Variants in UGT2B7 observed in about 807,000 individuals in gnomAD.
The protein encoded by UGT2B7 is UDP-glucuronosyltransferase 2B7.
In UGT2B7, 51 loss-of-function variants were observed where a neutral mutation model predicts 51.9. The ratio of observed to expected loss-of-function variants is 0.98; its 90% CI spans 0.78 to 1.24. UGT2B7 has a LOEUF of 1.24. UGT2B7 is among the 50% of genes most tolerant of loss of function. UGT2B7 has a pLI of 0.00. For synonymous variants in UGT2B7, 225 were observed against 211.6 expected, an observed-to-expected ratio of 1.06 and a Z score of -0.55; for missense variants, 727 against 628.4, an observed-to-expected ratio of 1.16 and a Z score of -1.68.
intron 1 of UGT2B7, among the ~76,000 whole-genome samples, chr4:69,078,351 G>A (rs2109872241): frequency 6.6e-6 from 1 of 152,054 alleles, no homozygotes; most frequent in Non-Finnish European, 1.5e-5. Context: ...TTCTATGTTT[G>A]GAATAGTTTC....
At chr4:69,071,098 T>C (rs1005159033) in intron 1 of UGT2B7, among the ~76,000 whole-genome samples, 5 of 152,068 alleles carry the variant, frequency 3.3e-5, no homozygotes, top group African/African-American at 4.8e-5. Context: ...CATTTGTAAT[T>C]GGATGGTAAT....
intron 1 of UGT2B7, among the ~76,000 whole-genome samples, chr4:69,068,862 C>A (rs188574224): frequency 6.6e-6 from 1 of 151,868 alleles, no homozygotes; most frequent in South Asian, 2.1e-4. Context: ...TATTTCAAAA[C>A]TAGAAACAAA....
intron 1 of UGT2B7, among the ~76,000 whole-genome samples, chr4:69,070,262 T>G (rs1020718998): frequency 6.8e-6 from 1 of 147,532 alleles, no homozygotes; most frequent in East Asian, 1.9e-4. Flanking sequence ...ATATTTTATA[T>G]ATTATACTTT....
intron 1 of UGT2B7, among the ~76,000 whole-genome samples, chr4:69,081,222 T>C (rs1323107296): frequency 6.6e-6 from 1 of 152,168 alleles, no homozygotes; most frequent in Non-Finnish European, 1.5e-5. Flanking sequence ...CATATCAGTG[T>C]CTTTGTTGAT....
At chr4:69,093,426 A>T (rs890046134), upstream of UGT2B7, among the ~76,000 whole-genome samples, 1 of 152,216 alleles carries the variant, frequency 6.6e-6, no homozygotes, top group African/African-American at 2.4e-5. Context: ...ATTCCAAGCC[A>T]GTGGATCTTA....
At chr4:69,094,669 C>G (rs6600879), upstream of UGT2B7, among the ~76,000 whole-genome samples, 87,772 of 152,044 alleles carry the variant, frequency 0.58, 26,348 homozygotes, top group African/African-American at 0.71. Flanking sequence ...GCCGCTAGTA[C>G]TTAGCATGGC....
At chr4:69,064,949 G>A (rs1442698066) in intron 1 of UGT2B7, among the ~76,000 whole-genome samples, 1 of 152,142 alleles carries the variant, frequency 6.6e-6, no homozygotes, top group Non-Finnish European at 1.5e-5. Flanking sequence ...TATTATGATA[G>A]TGGTGGCAGG....
chr4:69,067,031 TCAC>T, intron 1 of UGT2B7, among the ~76,000 whole-genome samples: 1 of 152,248 alleles, frequency 6.6e-6, no homozygotes, highest in South Asian at 2.1e-4. Flanking sequence ...CTCAGTGACT[TCAC>T]CATTTCTCTA....
chr4:69,098,823 TAGAAAC>T, intron 2 of UGT2B7, 135 bp downstream of exon 2: 1 of 1,435,272 alleles, frequency 7.0e-7, no homozygotes, highest in Non-Finnish European at 9.4e-7. Context: ...AGATACCAAT[TAGAAAC>T]TCATGTGCAC....
At chr4:69,088,402 G>T (rs1352166076) in intron 1 of UGT2B7, among the ~76,000 whole-genome samples, 3 of 151,588 alleles carry the variant, frequency 2.0e-5, no homozygotes, top group African/African-American at 4.9e-5. Flanking sequence ...TTTAAAATAG[G>T]TGTGCACTGA....
At chr4:69,089,528 G>A (rs1330510638) in exon 2 of UGT2B7, 1 of 152,214 alleles carries the variant, frequency 6.6e-6, no homozygotes, top group Non-Finnish European at 1.5e-5. Context: ...TGTTTTCTCT[G>A]GGGCCAGTTG....
Position 69,074,427 on chromosome 4 carries a change from A to AATATATATATATATATATATAT in UGT2B7, c.-158-15026_-158-15025insTATATATATATATATATATATA, listed in dbSNP as rs143693621. Among the ~76,000 whole-genome samples, 740 of 115,902 alleles carry AATATATATATATATATATATAT rather than the reference A, an allele frequency of 6.4e-3. 14 individuals are homozygous for AATATATATATATATATATATAT. The highest frequency in any genetic ancestry group is 0.021 in the African/African-American group (644 of 30,034). The allele number at this position is 115,902 out of a possible 152,430, so 76.0% of individuals were successfully genotyped here. On this transcript the variant is annotated intron_variant, in intron 1 of 5. Transcript: ENST00000502942. ...GACGATGGAATAACACCTTATCTTA[A>AATATATATATATATATATATAT]ATATATATATATATATATAAATTAA...
chr4:69,060,781 A>G (rs1194051238), intron 1 of UGT2B7, among the ~76,000 whole-genome samples: 1 of 152,194 alleles, frequency 6.6e-6, no homozygotes, highest in African/African-American at 2.4e-5. Flanking sequence ...TATAACTTTG[A>G]TGGACCAAAG....
rs150163076 is a variant in UGT2B7 at position 69,064,831 on chromosome 4, A to T, written c.-159+13229A>T. On this transcript the variant is annotated intron_variant, in intron 1 of 5. Transcript: ENST00000502942. ...TCAATTTATAAACAATATACAGGAC[A>T]GATGATAAAACAGCACAAAGAGTGT... 2.0e-5 allele frequency among the ~76,000 whole-genome samples: 3 copies of T among 152,350 alleles called. No homozygotes were observed. In the East Asian group the frequency reaches 5.8e-4, roughly 29 times the overall value.
chr4:69,084,383 T>G (rs1333808872), intron 1 of UGT2B7, among the ~76,000 whole-genome samples: 1 of 150,684 alleles, frequency 6.6e-6, no homozygotes, highest in Non-Finnish European at 1.5e-5. Flanking sequence ...AATCATACTC[T>G]TGACAAATCA....
intron 1 of UGT2B7, among the ~76,000 whole-genome samples, chr4:69,089,040 A>T (rs2109878252): frequency 6.6e-6 from 1 of 152,188 alleles, no homozygotes; most frequent in African/African-American, 2.4e-5. Context: ...TTCTCTTTTT[A>T]GCTCTGGTGA....
intron 2 of UGT2B7, among the ~76,000 whole-genome samples, chr4:69,099,935 A>T (rs1719370892): frequency 6.6e-6 from 1 of 152,026 alleles, no homozygotes; most frequent in Admixed American, 6.6e-5. Context: ...AGCTACTTGA[A>T]ATTCTAAAAT....
intron 1 of UGT2B7, among the ~76,000 whole-genome samples, chr4:69,059,216 G>A (rs1718285306): frequency 6.6e-6 from 1 of 152,212 alleles, no homozygotes; most frequent in Non-Finnish European, 1.5e-5. Context: ...TAAACACTCA[G>A]TAGTGACCCA....
intron 2 of UGT2B7, among the ~76,000 whole-genome samples, chr4:69,090,861 TAAA>T (rs1441269053): frequency 6.6e-6 from 1 of 152,214 alleles, no homozygotes; most frequent in Non-Finnish European, 1.5e-5. Flanking sequence ...TGTCATTTTT[TAAA>T]AGTTGTGTAA....
Sources: gnomAD v4.1 joint callset for allele counts (sites outside exome capture counted in the v4.1 genomes callset) on GRCh38, gnomAD v4.1.1 for gene constraint, MANE v1.5 for transcripts, NCBI Gene and HGNC (gene_info 2026-07-23, HGNC 2026-07-21) for gene names.